The following UNC13A variants were observed in gnomAD, a reference collection of about 807,000 sequenced individuals.
UNC13A encodes protein unc-13 homolog A.
A neutral mutation model predicts 219.7 loss-of-function variants in UNC13A; 61 were observed. That is an observed-to-expected ratio of 0.28 (90% CI 0.23 to 0.34). UNC13A has a LOEUF of 0.34. Ranked by LOEUF, UNC13A falls within the 10% of genes least tolerant of loss-of-function variation. UNC13A has a pLI of 1.00. For missense variants in UNC13A, 1,476 were observed against 2,270.3 expected, an observed-to-expected ratio of 0.65 and a Z score of 7.11; for synonymous variants, 920 against 884.6, an observed-to-expected ratio of 1.04 and a Z score of -0.71.
At chr19:17,608,449 T>C (rs915627114) in intron 43 of UNC13A, among the ~76,000 whole-genome samples, 1 of 137,732 alleles carries the variant, frequency 7.3e-6, no homozygotes, top group Non-Finnish European at 1.5e-5. Flanking sequence ...TTATATATTA[T>C]ATAATATAAT....
At chr19:17,623,858 GC>G (rs907491459) in intron 35 of UNC13A, among the ~76,000 whole-genome samples, 19 of 152,196 alleles carry the variant, frequency 1.2e-4, no homozygotes, top group African/African-American at 3.6e-4. Flanking sequence ...AGGGACCCAC[GC>G]CCAGCTACAT....
chr19:17,638,850 T>TA (rs1568518120), intron 25 of UNC13A, among the ~76,000 whole-genome samples: 1 of 151,956 alleles, frequency 6.6e-6, no homozygotes, highest in Non-Finnish European at 1.5e-5. Flanking sequence ...AATTTTTTTT[T>TA]ATGCCAAACT....
chr19:17,622,146 A>G (rs1036382688), intron 36 of UNC13A, among the ~76,000 whole-genome samples: 13 of 152,350 alleles, frequency 8.5e-5, no homozygotes, highest in Admixed American at 4.6e-4. Flanking sequence ...GAAAGAAGGG[A>G]AAAAAGCCAC....
intron 41 of UNC13A, among the ~76,000 whole-genome samples, chr19:17,616,249 T>C (rs1042486664): frequency 6.6e-6 from 1 of 151,844 alleles, no homozygotes; most frequent in African/African-American, 2.4e-5. Context: ...AAATCGTCCT[T>C]CCCCCTCACC....
rs1340128337 is a variant in UNC13A at position 17,605,632 on chromosome 19, T to A, written c.*422A>T. 1 of 165,660 alleles carries A rather than the reference T, an allele frequency of 6.0e-6. No homozygotes were observed. Among genetic ancestry groups the A allele is most frequent in the African/African-American group, 2.4e-5 (1 of 41,930 alleles). 10.3% of individuals were successfully genotyped at this position (165,660 alleles called of 1,614,324 possible). ...GGCCCCCCCTCGAGGGAGCTGAGAT[T>A]TCCATACTTGGCAATTGGTCTGGGG... On this transcript the variant is annotated 3_prime_UTR_variant, in exon 44 of 44. Coordinates refer to ENST00000519716, the MANE Select transcript of UNC13A (RefSeq NM_001080421.3).
chr19:17,616,364 C>T, intron 41 of UNC13A: 2 of 680,542 alleles, frequency 2.9e-6, no homozygotes, highest in Non-Finnish European at 2.7e-6. Context: ...GCGCAGGCAC[C>T]GGGCACCAGG....
At chr19:17,630,516 C>G (rs2076831675) in intron 29 of UNC13A, 138 bp downstream of exon 29, 2 of 1,181,740 alleles carry the variant, frequency 1.7e-6, no homozygotes, top group South Asian at 1.4e-5. Context: ...GATGAATGAA[C>G]AAAAGATTTT....
chr19:17,621,710 G>C (rs1471491302), intron 37 of UNC13A, 122 bp downstream of exon 37: 2 of 944,376 alleles, frequency 2.1e-6, no homozygotes, highest in South Asian at 1.4e-5. Context: ...TTGGTTAGGA[G>C]AGCTATCTCC....
intron 26 of UNC13A, among the ~76,000 whole-genome samples, chr19:17,635,760 T>G (rs557838635): frequency 6.6e-6 from 1 of 152,316 alleles, no homozygotes; most frequent in South Asian, 2.1e-4. Flanking sequence ...TATACACATA[T>G]GTACACACAG....
intron 7 of UNC13A, among the ~76,000 whole-genome samples, chr19:17,664,344 G>T (rs997563076): frequency 6.6e-6 from 1 of 152,184 alleles, no homozygotes; most frequent in African/African-American, 2.4e-5. Context: ...CAGAGGGATG[G>T]AGTGAGCAGC....
intron 20 of UNC13A, 70 bp from the exon 21 acceptor site, chr19:17,641,626 T>C: frequency 6.6e-7 from 1 of 1,505,232 alleles, no homozygotes; most frequent in Non-Finnish European, 9.1e-7. Flanking sequence ...TCCCAGGGTC[T>C]GGGGCAGCTT....
chr19:17,687,365 G>A (rs2080134442), intron 1 of UNC13A, among the ~76,000 whole-genome samples: 1 of 152,118 alleles, frequency 6.6e-6, no homozygotes, highest in African/African-American at 2.4e-5. Context: ...GGTGAGGATG[G>A]GCCAGGAGGG....
chr19:17,616,352 G>T (rs1032922766), intron 41 of UNC13A: 2 of 682,878 alleles, frequency 2.9e-6, no homozygotes, highest in South Asian at 3.1e-5. Context: ...GGGCCAGGAG[G>T]GGCGCAGGCA....
chr19:17,626,180 TCCATCCATCCATCGTCCATCCAA>T (rs1412657618), intron 34 of UNC13A: 1 of 154,220 alleles, frequency 6.5e-6, no homozygotes, highest in Non-Finnish European at 1.4e-5. Context: ...CATCCATCCA[TCCATCCATCCATCGTCCATCCAA>T]CCATCCATCA....
chr19:17,629,775 C>T (rs2076821753), intron 30 of UNC13A, among the ~76,000 whole-genome samples: 2 of 152,036 alleles, frequency 1.3e-5, no homozygotes, highest in Admixed American at 1.3e-4. Flanking sequence ...CCCAGCACAG[C>T]CTCAAACTCC....
intron 4 of UNC13A, among the ~76,000 whole-genome samples, chr19:17,670,444 T>C (rs1306909233): frequency 2.0e-5 from 3 of 149,412 alleles, no homozygotes; most frequent in Admixed American, 1.3e-4. Context: ...GGTTTCACCA[T>C]GTTGCCCAGG....
rs1359569801 is a variant in UNC13A at position 17,627,663 on chromosome 19, A to C, written c.3832-66T>G. 7 of 1,402,160 alleles carry C rather than the reference A, an allele frequency of 5.0e-6. No homozygotes were observed. Among genetic ancestry groups the C allele is most frequent in the South Asian group, 1.2e-5 (1 of 81,496 alleles). 86.9% of individuals were successfully genotyped at this position (1,402,160 alleles called of 1,614,324 possible). A position where few individuals can be genotyped will look rare whatever the true frequency, so the allele number is the denominator to read the frequency against. On this transcript the variant is annotated intron_variant, in intron 32 of 43. Transcript: ENST00000519716. This position sits in a 1 kb window ranked among gnomAD's most constrained non-coding sequence, Gnocchi z 4.7. ...ATCCACATGTACTGGGCATTTTCTCATCTGACCCAGGGAAAGGGATCCCAA... is the reference window on the plus strand; with the variant it reads ...ATCCACATGTACTGGGCATTTTCTCCTCTGACCCAGGGAAAGGGATCCCAA...
intron 43 of UNC13A, among the ~76,000 whole-genome samples, chr19:17,606,840 C>A (rs1334765632): frequency 7.1e-6 from 1 of 141,078 alleles, no homozygotes; most frequent in Non-Finnish European, 1.5e-5. Context: ...TTCCAAGATG[C>A]CCTCCAGACA....
In UNC13A at chr19:17,639,006, G is replaced by A. The variant is rs551733072; in HGVS notation, c.3081+77C>T. 3.9e-5 allele frequency: 56 copies of A among 1,450,372 alleles called. No homozygotes were observed. The East Asian group carries it at 5.5e-4, about 14-fold the overall frequency. 89.8% of individuals were successfully genotyped at this position (1,450,372 alleles called of 1,614,324 possible). ...GAGGTTCAGAAGAGTTAAATCCCTC[G>A]GGAAGGGGCAGGGCTGGGACTGAAG... On this transcript the variant is annotated intron_variant, in intron 25 of 43. Transcript: ENST00000519716.
Sources: allele counts gnomAD v4.1 joint callset (sites outside exome capture counted in the v4.1 genomes callset), GRCh38; gene constraint gnomAD v4.1.1; non-coding constraint Gnocchi (gnomAD v3.1); transcripts MANE v1.5; gene names NCBI Gene and HGNC (gene_info 2026-07-23, HGNC 2026-07-21).